The following ABCC4 variants were observed in gnomAD, a reference collection of about 807,000 sequenced individuals.
The protein encoded by ABCC4 is ATP-binding cassette sub-family C member 4.
ABCC4 carries 102 observed loss-of-function variants against 168.5 expected under a neutral mutation model. The ratio of observed to expected loss-of-function variants is 0.61; its 90% confidence interval spans 0.52 to 0.71. ABCC4 has a LOEUF of 0.71. Ranked by LOEUF, ABCC4 falls within the 30% of genes least tolerant of loss-of-function variation. The pLI is 0.00. For missense variants in ABCC4, 1,402 were observed against 1,605.8 expected (o/e 0.87, Z 2.17); for synonymous variants, 617 against 590.7 (o/e 1.04, Z -0.65).
intron 29 of ABCC4, among the ~76,000 whole-genome samples, chr13:95,043,111 C>T (rs182796287): frequency 2.0e-5 from 3 of 152,292 alleles, no homozygotes; most frequent in East Asian, 1.9e-4. Context: ...ATTTTCTAAG[C>T]CCTCCAATTC....
chr13:95,040,805 T>G (rs1372204626), intron 29 of ABCC4, among the ~76,000 whole-genome samples: 1 of 152,220 alleles, frequency 6.6e-6, no homozygotes, highest in Non-Finnish European at 1.5e-5. Context: ...AAAAGAGATT[T>G]GGGTTTAGAA....
Position 95,115,917 on chromosome 13 carries a change from G to T in ABCC4, c.2535+5C>A, listed in dbSNP as rs757008496. ...TTGAGATCCTGACATTACTCTCAAC[G>T]TTACCTGGATGAAATCTAAAAACGT... is the stretch of plus-strand genomic sequence containing the variant. On this transcript the variant is annotated splice_donor_5th_base_variant and intron_variant, in intron 20 of 30. Coordinates refer to ENST00000645237, the MANE Select transcript of ABCC4 (RefSeq NM_005845.5). The T allele has an allele frequency of 6.2e-7, 1 of 1,608,486 alleles. No homozygotes were observed. The highest frequency in any genetic ancestry group is 8.5e-7 in the Non-Finnish European group (1 of 1,176,788).
At chr13:95,118,222 A>T (rs1384941973) in intron 19 of ABCC4, among the ~76,000 whole-genome samples, 1 of 151,392 alleles carries the variant, frequency 6.6e-6, no homozygotes, top group Non-Finnish European at 1.5e-5. Context: ...AACAATTCAA[A>T]GACTGGTGTT....
chr13:95,076,501 G>A (rs2033909872), intron 21 of ABCC4, among the ~76,000 whole-genome samples: 2 of 145,310 alleles, frequency 1.4e-5, no homozygotes, highest in Admixed American at 7.1e-5. Flanking sequence ...TGTTTGTGTG[G>A]TGTAGGTTTT....
At chr13:95,076,652 A>G (rs191228382) in intron 21 of ABCC4, among the ~76,000 whole-genome samples, 44 of 151,834 alleles carry the variant, frequency 2.9e-4, no homozygotes, top group Non-Finnish European at 5.9e-4. Context: ...TTTAGTAGAG[A>G]CATGGTTTTG....
chr13:95,200,863 G>A (rs1179848485), intron 8 of ABCC4, among the ~76,000 whole-genome samples: 2 of 152,104 alleles, frequency 1.3e-5, no homozygotes, highest in Non-Finnish European at 2.9e-5. Context: ...ATGGGTTACA[G>A]GAACCATCCA....
At chr13:95,129,341 G>T (rs1429240803) in intron 19 of ABCC4, among the ~76,000 whole-genome samples, 1 of 152,188 alleles carries the variant, frequency 6.6e-6, no homozygotes, top group Non-Finnish European at 1.5e-5. Context: ...AAAGCATAAA[G>T]GTAGCTAAAG....
At chr13:95,102,026 G>A (rs1199730292) in intron 20 of ABCC4, among the ~76,000 whole-genome samples, 1 of 152,204 alleles carries the variant, frequency 6.6e-6, no homozygotes, top group Non-Finnish European at 1.5e-5. Flanking sequence ...TTACAGAGAC[G>A]TAGCATGTGG....
chr13:95,267,536 C>T (rs145508657), intron 1 of ABCC4, among the ~76,000 whole-genome samples: 1 of 152,128 alleles, frequency 6.6e-6, no homozygotes, highest in Non-Finnish European at 1.5e-5. Context: ...TTCTGCAAAG[C>T]TCTACAGGCA....
chr13:95,247,635 C>T lies in ABCC4; in HGVS notation c.185+8G>A, dbSNP rs763815541. On this transcript the variant is annotated splice_region_variant and intron_variant, in intron 2 of 30. Transcript: ENST00000645237. The stretch of plus-strand genomic sequence containing the variant: ...TCCTTAATGCCCACTTTACTGCCTC[C>T]GACTTACCCTTGCAACTCCTCTCCA... 2.4e-5 allele frequency: 38 copies of T among 1,609,528 alleles called. No homozygotes were observed. The East Asian group carries it at 3.8e-4, about 16-fold the overall frequency.
At chr13:95,127,796 C>T (rs1252249985) in intron 19 of ABCC4, among the ~76,000 whole-genome samples, 1 of 152,166 alleles carries the variant, frequency 6.6e-6, no homozygotes, top group Admixed American at 6.5e-5. Context: ...CCTACTGTGC[C>T]ATGCATCCTG....
At position 95,161,228 on chromosome 13, in the gene ABCC4, G is replaced by A. The variant is rs1428278500; in HGVS notation, c.2416C>T (p.Leu806=). ...TLHNKMFESI[L]KAPVLFFDRN... is the part of the protein sequence containing the mutation. ...TCAAAGAATAATACCGGAGCTTTCA[G>A]AATTGACTCAAACATTTTGTTGTGC... is the stretch of plus-strand genomic sequence containing the variant. The change falls in exon 19 of 31, where the codon CTG becomes TTG. Residue 806 remains leucine (L), a synonymous_variant. Transcript: ENST00000645237. 6.2e-7 allele frequency: 1 copy of A among 1,610,384 alleles called. No individual in the cohort carries two copies. Among genetic ancestry groups the A allele is most frequent in the Admixed American group, 1.7e-5 (1 of 58,558 alleles).
chr13:95,289,013 T>C (rs531238808), intron 1 of ABCC4, among the ~76,000 whole-genome samples: 1 of 152,170 alleles, frequency 6.6e-6, no homozygotes, highest in African/African-American at 2.4e-5. Flanking sequence ...TTGATAAACC[T>C]CCCTGCTACT....
chr13:95,198,359 G>C (rs953708195), intron 8 of ABCC4, among the ~76,000 whole-genome samples: 1 of 152,188 alleles, frequency 6.6e-6, no homozygotes, highest in African/African-American at 2.4e-5. Flanking sequence ...ATGAAAAAAA[G>C]CTCATTATCA....
chr13:95,264,836 G>T (rs981563124), intron 1 of ABCC4, among the ~76,000 whole-genome samples: 5 of 148,736 alleles, frequency 3.4e-5, no homozygotes, highest in Admixed American at 2.0e-4. Flanking sequence ...TAAAATTTAG[G>T]TATAAGGGGC....
chr13:95,165,198 C>T (rs1594214919), intron 15 of ABCC4, among the ~76,000 whole-genome samples: 1 of 152,308 alleles, frequency 6.6e-6, no homozygotes, highest in South Asian at 2.1e-4. Context: ...CTCTCAACTG[C>T]ATCACTCAAG....
chr13:95,025,704 T>C (rs937969260), intron 30 of ABCC4, among the ~76,000 whole-genome samples: 4 of 151,698 alleles, frequency 2.6e-5, no homozygotes, highest in Non-Finnish European at 5.9e-5. Context: ...GTACAGGGCC[T>C]GGAGATTATA....
chr13:95,177,966 C>A (rs2037763734), intron 12 of ABCC4, 31 bp downstream of exon 12: 2 of 1,608,846 alleles, frequency 1.2e-6, no homozygotes, highest in Non-Finnish European at 1.7e-6. Flanking sequence ...TCAAAAGACA[C>A]CGGCATAGTG....
rs1350702882 is a variant in ABCC4 at position 95,224,143 on chromosome 13, T to C, written c.531+10467A>G. On this transcript the variant is annotated intron_variant, in intron 4 of 30. Coordinates refer to ENST00000645237, the MANE Select transcript of ABCC4 (RefSeq NM_005845.5). ...AGAAGTATAAATACCAAGTAAATTA[T>C]ACCTAGGATCATTATCAATCCTCTA... Among the ~76,000 whole-genome samples, 5 of 142,764 alleles carry C rather than the reference T, an allele frequency of 3.5e-5. 1 individual carries two copies. Among genetic ancestry groups the C allele is most frequent in the African/African-American group, 1.3e-4 (5 of 38,086 alleles). The allele number at this position is 142,764 out of a possible 152,430, so 93.7% of individuals were successfully genotyped here.
Sources: allele counts gnomAD v4.1 joint callset (sites outside exome capture counted in the v4.1 genomes callset), GRCh38; gene constraint gnomAD v4.1.1; transcripts MANE v1.5; gene names NCBI Gene and HGNC (gene_info 2026-07-23, HGNC 2026-07-21).